MARK1: variants seen among roughly 807,000 people sequenced by gnomAD.
MARK1 encodes the protein serine/threonine-protein kinase MARK1.
Under a neutral mutation model 96.3 loss-of-function variants are expected in MARK1, and 40 were observed. The observed-to-expected ratio is 0.42, with a 90% CI of 0.32 to 0.54. MARK1 has a LOEUF of 0.54. Among genes scored for constraint, MARK1 ranks in the 20% least tolerant of loss-of-function variants. MARK1 has a pLI of 0.16. For synonymous variants in MARK1, 317 were observed against 341.2 expected, an observed-to-expected ratio of 0.93 and a Z score of 0.78; for missense variants, 719 against 984.6, an observed-to-expected ratio of 0.73 and a Z score of 3.61.
intron 3 of MARK1, among the ~76,000 whole-genome samples, chr1:220,587,329 T>TTCTCTC (rs57932958): frequency 7.4e-6 from 1 of 135,886 alleles, no homozygotes; most frequent in African/African-American, 2.8e-5. Context: ...CTCTCTTTCT[T>TTCTCTC]TCTCTCTCTC....
intron 1 of MARK1, among the ~76,000 whole-genome samples, chr1:220,575,658 G>C (rs1047921589): frequency 6.6e-6 from 1 of 151,880 alleles, no homozygotes; most frequent in East Asian, 1.9e-4. Flanking sequence ...TATAATATAT[G>C]TAATATAAAA....
intron 3 of MARK1, among the ~76,000 whole-genome samples, chr1:220,596,605 T>TA (rs1665373417): frequency 1.3e-5 from 2 of 152,146 alleles, no homozygotes; most frequent in Non-Finnish European, 2.9e-5. Context: ...GAAAGCAAGC[T>TA]TTTTTGTAGG....
intron 1 of MARK1, among the ~76,000 whole-genome samples, chr1:220,535,843 A>C (rs1660647519): frequency 6.6e-6 from 1 of 151,974 alleles, no homozygotes; most frequent in African/African-American, 2.4e-5. Context: ...TTCATTTCTG[A>C]GCTCTCTATT....
intron 1 of MARK1, among the ~76,000 whole-genome samples, chr1:220,563,146 A>G (rs1190050668): frequency 2.6e-5 from 4 of 152,198 alleles, no homozygotes; most frequent in Non-Finnish European, 4.4e-5. Context: ...AAATGAAATA[A>G]TGTATCCCAA....
chr1:220,636,215 G>A (rs935536507), intron 13 of MARK1, among the ~76,000 whole-genome samples, 189 bp downstream of exon 13: 4 of 152,090 alleles, frequency 2.6e-5, no homozygotes, highest in African/African-American at 9.7e-5. Context: ...ATTCTTTTTT[G>A]CATGCGTTAA....
rs756976523 is a variant in MARK1, at chr1:220,653,159, C to G, written c.1795C>G (p.Pro599Ala). ...TGCTCACAGTATTAGTACTGCGACT[C>G]CAGACCGGACCCGTTTTCCCCGAGG... ...PSAHSISTAT[P>A]DRTRFPRGSS... Residue 599 changes from proline to alanine, a missense_variant, in exon 16 of 18, where the codon CCA becomes GCA. Around this residue, in one of 4 missense-constraint regions of MARK1, gnomAD observed 501 missense variants for 588.3 expected, o/e 0.85. Coordinates refer to ENST00000366917, the MANE Select transcript of MARK1 (RefSeq NM_018650.5). 5 of 1,614,220 alleles carry G rather than the reference C, an allele frequency of 3.1e-6. No homozygotes were observed. The South Asian group carries it at 3.3e-5, about 11-fold the overall frequency.
At chr1:220,592,162 T>C (rs1010953972) in intron 3 of MARK1, among the ~76,000 whole-genome samples, 2 of 151,124 alleles carry the variant, frequency 1.3e-5, no homozygotes, top group African/African-American at 4.9e-5. Context: ...ACCTATGACT[T>C]GCTTCTAACC....
intron 9 of MARK1, among the ~76,000 whole-genome samples, chr1:220,619,241 G>A (rs1380644279): frequency 2.6e-5 from 4 of 152,172 alleles, no homozygotes; most frequent in Admixed American, 1.3e-4. Context: ...TTGGGAGGCC[G>A]AGGCGGGCAG....
At chr1:220,576,489 AG>A (rs1337798527) in intron 1 of MARK1, among the ~76,000 whole-genome samples, 1 of 151,858 alleles carries the variant, frequency 6.6e-6, no homozygotes, top group African/African-American at 2.4e-5. Context: ...CCTCAGTGGG[AG>A]GGTCCTGGAA....
At chr1:220,657,742 A>T in intron 16 of MARK1, 48 bp from the exon 17 acceptor site, 1 of 1,381,980 alleles carries the variant, frequency 7.2e-7, no homozygotes. Context: ...TTTTCTTGAT[A>T]TATTTTTTAC....
At chr1:220,637,760 A>G (rs1668045605) in intron 13 of MARK1, among the ~76,000 whole-genome samples, 1 of 152,102 alleles carries the variant, frequency 6.6e-6, no homozygotes, top group Non-Finnish European at 1.5e-5. Context: ...AGGGTGAACA[A>G]TGTAAGAACA....
intron 1 of MARK1, among the ~76,000 whole-genome samples, chr1:220,535,547 G>C (rs956979797): frequency 6.6e-5 from 10 of 152,002 alleles, no homozygotes; most frequent in Admixed American, 5.2e-4. Context: ...TTTTGCTTTT[G>C]TTGGCTGTGC....
chr1:220,565,867 A>G (rs1256013224), intron 1 of MARK1, among the ~76,000 whole-genome samples: 5 of 152,204 alleles, frequency 3.3e-5, no homozygotes, highest in Admixed American at 1.3e-4. Flanking sequence ...ATGAAAGCTG[A>G]TAACACTCTG....
intron 3 of MARK1, among the ~76,000 whole-genome samples, chr1:220,585,761 C>G (rs1664556200): frequency 6.6e-6 from 1 of 152,170 alleles, no homozygotes; most frequent in Non-Finnish European, 1.5e-5. Context: ...AGGTTAGATT[C>G]AGTAATCACT....
In MARK1 at chr1:220,644,456, C is replaced by G. The variant is rs1022052690; in HGVS notation, c.1471-6164C>G. Reference sequence around the variant, plus strand: ...ACCTACAAAGAGACTTAGACCCCCCCCCCCCCACACACACACAATAATAGT... The same window carrying G: ...ACCTACAAAGAGACTTAGACCCCCCGCCCCCCACACACACACAATAATAGT... On this transcript the variant is annotated intron_variant, in intron 13 of 17. Transcript: ENST00000366917. 7.6e-4 allele frequency among the ~76,000 whole-genome samples: 110 copies of G among 144,816 alleles called. 1 individual carries two copies. Among genetic ancestry groups the G allele is most frequent in the Non-Finnish European group, 1.4e-3 (92 of 65,258 alleles).
Position 220,631,211 on chromosome 1 carries a change from T to A in MARK1, c.1009+77T>A, listed in dbSNP as rs1257254975. The stretch of plus-strand genomic sequence containing the variant: ...TCCTTTAGTGTGCCAAAATAGTGTT[T>A]AAGAGTATAAATAGGAAGCAATTTT... On this transcript the variant is annotated intron_variant, in intron 10 of 17. Transcript: ENST00000366917. 4 of 869,862 alleles carry A rather than the reference T, an allele frequency of 4.6e-6. No individual in the cohort carries two copies. In the African/African-American group the frequency reaches 5.2e-5, roughly 11 times the overall value. The allele number at this position is 869,862 out of a possible 1,614,324, so 53.9% of individuals were successfully genotyped here. A position where few individuals can be genotyped will look rare whatever the true frequency, so the allele number is the denominator to read the frequency against.
In MARK1 at chr1:220,632,202, C is replaced by T. The variant is rs1667715979; in HGVS notation, c.1011C>T (p.Asp337=). The change falls in exon 11 of 18, where the codon GAC becomes GAT. Residue 337 remains aspartate, a splice_region_variant and synonymous_variant. Coordinates refer to ENST00000366917, the MANE Select transcript of MARK1 (RefSeq NM_018650.5). The stretch of plus-strand genomic sequence containing the variant: ...AATTTCTCTTTTTTAAATTTCTAGA[C>T]ATTATGGTCACCATGGGCTTTGCAC... The part of the protein sequence containing the change: ...DPDFNDTKRI[D]IMVTMGFARD... 1.4e-6 allele frequency: 2 copies of T among 1,385,868 alleles called. No homozygotes were observed. Among genetic ancestry groups the T allele is most frequent in the Non-Finnish European group, 9.6e-7 (1 of 1,042,026 alleles). The allele number at this position is 1,385,868 out of a possible 1,614,324, so 85.8% of individuals were successfully genotyped here. A position where few individuals can be genotyped will look rare whatever the true frequency, so the allele number is the denominator to read the frequency against.
chr1:220,573,623 G>A (rs2102817739), intron 1 of MARK1, among the ~76,000 whole-genome samples: 2 of 152,054 alleles, frequency 1.3e-5, no homozygotes, highest in Middle Eastern at 3.4e-3. Context: ...GTGCCCGGCC[G>A]AGGCTTTATT....
At chr1:220,596,727 C>A (rs1665385380) in intron 3 of MARK1, among the ~76,000 whole-genome samples, 2 of 151,994 alleles carry the variant, frequency 1.3e-5, no homozygotes, top group Admixed American at 6.6e-5. Flanking sequence ...CAAAACTTAC[C>A]ATTTTAACCA....
Sources: allele counts gnomAD v4.1 joint callset (sites outside exome capture counted in the v4.1 genomes callset), GRCh38; gene constraint gnomAD v4.1.1; regional missense constraint gnomAD v4.1.1; transcripts MANE v1.5; gene names NCBI Gene and HGNC (gene_info 2026-07-23, HGNC 2026-07-21).